Variants in THADA observed in about 807,000 individuals in gnomAD.
THADA encodes the protein tRNA (32-2'-O)-methyltransferase regulator THADA.
In THADA, 213 loss-of-function variants were observed where a neutral mutation model predicts 219.8. The observed-to-expected ratio is 0.97, with a 90% CI of 0.87 to 1.09. THADA has a LOEUF of 1.09. Ranked by LOEUF, THADA falls within the 50% of genes least tolerant of loss-of-function variation. The probability of loss-of-function intolerance (pLI) is 0.00; values close to 1 mark genes in which losing one functional copy is unlikely to be tolerated. For missense variants in THADA, 2,956 were observed against 2,311.3 expected (o/e 1.28, Z -5.72); for synonymous variants, 1,018 against 828.9 (o/e 1.23, Z -3.92).
chr2:43,298,904 CCTAAG>C (rs1315622104), intron 31 of THADA, among the ~76,000 whole-genome samples: 2 of 152,134 alleles, frequency 1.3e-5, no homozygotes, highest in Non-Finnish European at 2.9e-5. Flanking sequence ...TTAAGTATTT[CCTAAG>C]CATATACAGG....
intron 23 of THADA, among the ~76,000 whole-genome samples, chr2:43,506,500 T>C (rs1343595327): frequency 2.6e-5 from 4 of 152,182 alleles, no homozygotes; most frequent in African/African-American, 9.7e-5. Flanking sequence ...TATGATTCCA[T>C]ATATATGAAA....
intron 26 of THADA, among the ~76,000 whole-genome samples, chr2:43,483,760 T>C (rs1215627370): frequency 1.3e-5 from 2 of 151,370 alleles, no homozygotes; most frequent in African/African-American, 2.4e-5. Context: ...GTAAAATGTA[T>C]ATATATTTAT....
intron 29 of THADA, among the ~76,000 whole-genome samples, chr2:43,347,246 A>G (rs1286969079): frequency 2.0e-5 from 3 of 152,230 alleles, no homozygotes; most frequent in Non-Finnish European, 4.4e-5. Flanking sequence ...GCGTATAATA[A>G]TATCTAACTT....
intron 29 of THADA, among the ~76,000 whole-genome samples, chr2:43,373,779 A>C (rs921103448): frequency 6.6e-6 from 1 of 152,184 alleles, no homozygotes; most frequent in African/African-American, 2.4e-5. Context: ...AGCCTGCCCA[A>C]GTCTAATAAG....
intron 31 of THADA, among the ~76,000 whole-genome samples, chr2:43,299,855 C>T (rs1454426448): frequency 6.0e-5 from 6 of 100,080 alleles, no homozygotes; most frequent in Non-Finnish European, 8.1e-5. Context: ...GGCGAAACCC[C>T]GCCTCTACTA....
chr2:43,301,037 T>A (rs532874823), intron 31 of THADA, among the ~76,000 whole-genome samples: 121 of 152,320 alleles, frequency 7.9e-4, no homozygotes, highest in African/African-American at 2.8e-3. Context: ...CACACATGCC[T>A]GAATCCCACT....
At chr2:43,249,822 T>C (rs941465835) in intron 36 of THADA, among the ~76,000 whole-genome samples, 7 of 152,190 alleles carry the variant, frequency 4.6e-5, no homozygotes, top group East Asian at 1.9e-4. Context: ...TTTCTTCTGA[T>C]TACCAGCATC....
intron 16 of THADA, among the ~76,000 whole-genome samples, chr2:43,557,184 G>GT (rs1274533471): frequency 6.6e-6 from 1 of 152,154 alleles, no homozygotes; most frequent in South Asian, 2.1e-4. Flanking sequence ...ATATAGGTGA[G>GT]TTTTTTATTA....
chr2:43,505,699 C>A lies in THADA; in HGVS notation c.3544G>T (p.Asp1182Tyr), dbSNP rs917506225. The part of the protein sequence containing the change: ...LASEPKKGRM[D>Y]LLKITMKELI... ...TCTTTCATTGTTATTTTCAACAAAT[C>A]CATTCTGCCTTTCTTTGGTTCAGAT... Residue 1182 changes from aspartate (D) to tyrosine (Y), a missense_variant, in exon 24 of 38, where the codon GAT (aspartate) becomes TAT (tyrosine). Physicochemically the swap from Asp to Tyr is radical, Grantham distance 160 (BLOSUM62 -3). Transcript: ENST00000405975. 1.3e-6 allele frequency: 2 copies of A among 1,590,914 alleles called. No individual in the cohort carries two copies. The highest frequency in any genetic ancestry group is 1.7e-6 in the Non-Finnish European group (2 of 1,167,094).
intron 26 of THADA, among the ~76,000 whole-genome samples, chr2:43,433,099 T>A (rs553851674): frequency 1.3e-5 from 2 of 152,144 alleles, no homozygotes; most frequent in East Asian, 3.8e-4. Context: ...AGCTTTTACA[T>A]TGAGGTCTAT....
At chr2:43,413,742 A>C (rs1558721752) in intron 28 of THADA, among the ~76,000 whole-genome samples, 2 of 152,202 alleles carry the variant, frequency 1.3e-5, no homozygotes, top group Non-Finnish European at 2.9e-5. Flanking sequence ...TGGTGACAAA[A>C]TGGTCTCTTC....
At chr2:43,437,079 G>C (rs1423012805) in intron 26 of THADA, among the ~76,000 whole-genome samples, 3 of 152,080 alleles carry the variant, frequency 2.0e-5, no homozygotes, top group African/African-American at 4.8e-5. Context: ...CCTGTGGTTG[G>C]TTACTCCTGC....
chr2:43,293,280 G>A (rs1012735376), intron 31 of THADA, 67 bp from the exon 32 acceptor site: 5 of 1,521,558 alleles, frequency 3.3e-6, no homozygotes, highest in African/African-American at 2.8e-5. Flanking sequence ...GGACATGAAA[G>A]AATGAAGACT....
At position 43,245,172 on chromosome 2, in the gene THADA, C is replaced by CTTT. The variant is rs200036949; in HGVS notation, c.5297-12293_5297-12291dup. ...TACTGGAGCTTCTTTCTTTCTTCTT[C>CTTT]TTTTTTTTTTTTTTTTTTGAGACGG... On this transcript the variant is annotated intron_variant, in intron 36 of 37. Transcript: ENST00000405975. Among the ~76,000 whole-genome samples, 54 of 103,076 alleles carry CTTT rather than the reference C, an allele frequency of 5.2e-4. 2 individuals are homozygous for CTTT. The South Asian group carries it at 6.6e-3, about 13-fold the overall frequency. The allele number at this position is 103,076 out of a possible 152,430, so 67.6% of individuals were successfully genotyped here. A position where few individuals can be genotyped will look rare whatever the true frequency, so the allele number is the denominator to read the frequency against.
intron 20 of THADA, among the ~76,000 whole-genome samples, chr2:43,548,571 G>T (rs561959957): frequency 6.6e-6 from 1 of 152,214 alleles, no homozygotes; most frequent in African/African-American, 2.4e-5. Flanking sequence ...CCTGGGCAAC[G>T]GTGGGCGCCC....
intron 28 of THADA, among the ~76,000 whole-genome samples, chr2:43,402,918 C>G (rs1165253962): frequency 6.6e-6 from 1 of 152,200 alleles, no homozygotes; most frequent in Non-Finnish European, 1.5e-5. Context: ...CTTTCCCAGG[C>G]CTGTGCCTTT....
intron 2 of THADA, 27 bp from the exon 3 acceptor site, chr2:43,592,073 T>G (rs889933761): frequency 1.3e-6 from 2 of 1,500,524 alleles, no homozygotes; most frequent in African/African-American, 1.4e-5. Context: ...AAAAAAAATT[T>G]TCAATGATTT....
chr2:43,551,085 G>A (rs999081119), intron 19 of THADA, among the ~76,000 whole-genome samples: 5 of 152,180 alleles, frequency 3.3e-5, no homozygotes, highest in Admixed American at 1.3e-4. Flanking sequence ...AATATTCTCT[G>A]TGCAAAACAC....
At chr2:43,444,241 A>AT (rs1681228740) in intron 26 of THADA, among the ~76,000 whole-genome samples, 1 of 152,198 alleles carries the variant, frequency 6.6e-6, no homozygotes, top group Admixed American at 6.5e-5. Context: ...ACTTACTAGC[A>AT]TATCAAGAAT....
Sources: allele counts gnomAD v4.1 joint callset (sites outside exome capture counted in the v4.1 genomes callset), GRCh38; gene constraint gnomAD v4.1.1; transcripts MANE v1.5; gene names NCBI Gene and HGNC (gene_info 2026-07-23, HGNC 2026-07-21).